ECM2: variants seen among roughly 807,000 people sequenced by gnomAD.
ECM2 encodes extracellular matrix protein 2.
ECM2 carries 57 observed loss-of-function variants against 67.5 expected under a neutral mutation model. The ratio of observed to expected loss-of-function variants is 0.84; its 90% confidence interval spans 0.68 to 1.05. ECM2 has a LOEUF of 1.05. ECM2 is among the 50% of genes least tolerant of loss of function. ECM2 has a pLI of 0.00. For synonymous variants in ECM2, 258 were observed against 294.5 expected, an observed-to-expected ratio of 0.88 and a Z score of 1.27; for missense variants, 741 against 822.8, an observed-to-expected ratio of 0.90 and a Z score of 1.22.
At chr9:92,497,026 T>C (rs772388307) in intron 9 of ECM2, among the ~76,000 whole-genome samples, 9 of 151,636 alleles carry the variant, frequency 5.9e-5, no homozygotes, top group Non-Finnish European at 1.0e-4. Flanking sequence ...GAATGCAAAA[T>C]GGTGCGCCAC....
At position 92,522,845 on chromosome 9, in the gene ECM2, A is replaced by C. The variant is rs1216763087; in HGVS notation, c.22T>G (p.Cys8Gly). The C allele has an allele frequency of 1.9e-6, 3 of 1,606,442 alleles. No individual in the cohort carries two copies. Among genetic ancestry groups the C allele is most frequent in the Non-Finnish European group, 2.5e-6 (3 of 1,178,130 alleles). ...TGAAAAATGATAAGCAGAAAAAAAC[A>C]AAACAAAACTGCAATCTTCATGTTT... MKIAVLF[C>G]FFLLIIFQTD... is the part of the protein sequence containing the mutation. The change falls in exon 2 of 10, where the codon TGT becomes GGT. Residue 8 changes from cysteine (C) to glycine (G), a missense_variant. Cys to Gly is a radical substitution (Grantham distance 159, BLOSUM62 -3). Coordinates refer to ENST00000344604, the MANE Select transcript of ECM2 (RefSeq NM_001393.4).
At position 92,502,627 on chromosome 9, in the gene ECM2, A is replaced by G. The variant is rs1846750611; in HGVS notation, c.1490T>C (p.Ile497Thr). The change falls in exon 8 of 10, where the codon ATT becomes ACT. Residue 497 changes from isoleucine (I) to threonine (T), a missense_variant. By Grantham distance (89) the Ile-to-Thr change is moderately conservative (BLOSUM62 -1). Coordinates refer to ENST00000344604, the MANE Select transcript of ECM2 (RefSeq NM_001393.4). ...IEELYLENNQ[I>T]EEITEICFNH... ...GAAACAAATTTCAGTTATTTCTTCA[A>G]TTTGGTTATTTTCTAGGTATAATTC... 1.3e-6 allele frequency: 2 copies of G among 1,596,248 alleles called. No individual in the cohort carries two copies. Among genetic ancestry groups the G allele is most frequent in the Admixed American group, 1.7e-5 (1 of 58,842 alleles).
At chr9:92,542,365 G>A in the ECM2 span, among the ~76,000 whole-genome samples, 57,551 of 151,920 alleles carry the variant, frequency 0.38, 13,549 homozygotes, top group African/African-American at 0.66. Context: ...CTGTTGTTTC[G>A]TTTACTGTGT....
chr9:92,520,780 A>T (rs1442028949), intron 2 of ECM2, among the ~76,000 whole-genome samples: 1 of 152,236 alleles, frequency 6.6e-6, no homozygotes, highest in African/African-American at 2.4e-5. Context: ...ATTCAGCCAT[A>T]AAAAGGAATG....
In ECM2 at chr9:92,530,135, G is replaced by C. The variant is rs189345340; in HGVS notation, c.-28+5798C>G. On this transcript the variant is annotated intron_variant, in intron 1 of 9. Transcript: ENST00000344604. ...TATATAAGGAACTTGAGCAGCCTCA[G>C]ATTTTGGTGTCCTTGAGGGATCCTG... Among the ~76,000 whole-genome samples the C allele has an allele frequency of 1.6e-4, 25 of 152,290 alleles. No individual in the cohort carries two copies. The East Asian group carries it at 4.4e-3, about 27-fold the overall frequency.
chr9:92,510,164 A>C (rs1267135704), intron 5 of ECM2, 130 bp from the exon 6 acceptor site: 3 of 936,078 alleles, frequency 3.2e-6, no homozygotes. Flanking sequence ...TGTCCAGGCC[A>C]CACAGCAAAC....
intron 7 of ECM2, among the ~76,000 whole-genome samples, chr9:92,504,819 G>A (rs938456017): frequency 1.3e-5 from 2 of 152,162 alleles, no homozygotes; most frequent in Non-Finnish European, 2.9e-5. Flanking sequence ...GATTACTGGC[G>A]TGAGCCACTG....
At chr9:92,525,893 C>CA (rs71362395) in intron 1 of ECM2, among the ~76,000 whole-genome samples, 6,206 of 42,444 alleles carry the variant, frequency 0.15, 239 homozygotes, top group African/African-American at 0.17. Flanking sequence ...ACTCTATCTC[C>CA]AAAAAAAAAA....
chr9:92,505,322 A>G (rs2131168148), intron 7 of ECM2, among the ~76,000 whole-genome samples: 1 of 152,192 alleles, frequency 6.6e-6, no homozygotes, highest in South Asian at 2.1e-4. Flanking sequence ...ACCATTTTTC[A>G]CTGTATCAGG....
the ECM2 span, among the ~76,000 whole-genome samples, chr9:92,543,400 A>G: frequency 7.7e-6 from 1 of 129,610 alleles, no homozygotes; most frequent in South Asian, 2.6e-4. Context: ...TGAACCTGGG[A>G]GGTGGAGGTT....
At chr9:92,558,598 A>G in the ECM2 span, among the ~76,000 whole-genome samples, 1 of 152,054 alleles carries the variant, frequency 6.6e-6, no homozygotes, top group Non-Finnish European at 1.5e-5. Context: ...TTAATTATCT[A>G]TTTTTGTGCT....
At chr9:92,517,347 C>A (rs1241582557) in intron 3 of ECM2, 3 of 454,692 alleles carry the variant, frequency 6.6e-6, no homozygotes. Flanking sequence ...GGATAATGCA[C>A]ATATAGACCA....
chr9:92,522,873 T>C lies in ECM2; in HGVS notation c.-7A>G, dbSNP rs1848165075. The C allele has an allele frequency of 1.3e-6, 2 of 1,584,546 alleles. No individual in the cohort carries two copies. The highest frequency in any genetic ancestry group is 1.7e-6 in the Non-Finnish European group (2 of 1,170,018). On this transcript the variant is annotated 5_prime_UTR_variant, in exon 2 of 10. Coordinates refer to ENST00000344604, the MANE Select transcript of ECM2 (RefSeq NM_001393.4). Reference sequence around the variant, plus strand: ...ACAAAACTGCAATCTTCATGTTTGATTTTTTTCCACCAGCCAATTTCTAGA... The same window carrying C: ...ACAAAACTGCAATCTTCATGTTTGACTTTTTTCCACCAGCCAATTTCTAGA...
intron 6 of ECM2, 69 bp downstream of exon 6, chr9:92,509,829 TA>T: frequency 6.8e-7 from 1 of 1,460,098 alleles, no homozygotes. Flanking sequence ...ATACAGTAAA[TA>T]AAATTTCTAC....
At chr9:92,548,224 T>TTCGA in the ECM2 span, among the ~76,000 whole-genome samples, 3 of 151,642 alleles carry the variant, frequency 2.0e-5, no homozygotes, top group African/African-American at 7.3e-5. Flanking sequence ...TTGTGGGGTC[T>TTCGA]TTCACTGCTG....
chr9:92,535,228 A>G (rs1044883520), intron 1 of ECM2, among the ~76,000 whole-genome samples: 11 of 152,210 alleles, frequency 7.2e-5, no homozygotes, highest in South Asian at 2.1e-4. Context: ...GTTTAAATAC[A>G]TTTTAGGAAA....
intron 6 of ECM2, among the ~76,000 whole-genome samples, chr9:92,508,362 TCACCCTGGCTTCCTGTCAA>T (rs1275664048): frequency 1.3e-5 from 2 of 152,210 alleles, no homozygotes; most frequent in Non-Finnish European, 2.9e-5. Flanking sequence ...GACAGCCCGT[TCACCCTGGCTTCCTGTCAA>T]CACTCTGGGA....
chr9:92,524,075 T>G (rs1848241836), intron 1 of ECM2, among the ~76,000 whole-genome samples: 1 of 152,234 alleles, frequency 6.6e-6, no homozygotes, highest in Non-Finnish European at 1.5e-5. Flanking sequence ...TTTCAAAGAT[T>G]ACTTGGGAGA....
Position 92,496,232 on chromosome 9 carries a change from G to A in ECM2, c.*83C>T. ...ATAATGATACTGAGTATAACAGGAGGATTATGTCTCTCTTATTAATGACAA... is the reference window on the plus strand; with the variant it reads ...ATAATGATACTGAGTATAACAGGAGAATTATGTCTCTCTTATTAATGACAA... On this transcript the variant is annotated 3_prime_UTR_variant, in exon 10 of 10. Coordinates refer to ENST00000344604, the MANE Select transcript of ECM2 (RefSeq NM_001393.4). The A allele has an allele frequency of 1.3e-6, 2 of 1,495,580 alleles. No individual in the cohort carries two copies. The highest frequency in any genetic ancestry group is 1.8e-6 in the Non-Finnish European group (2 of 1,134,264). The allele number at this position is 1,495,580 out of a possible 1,614,324, so 92.6% of individuals were successfully genotyped here.
Sources: allele counts gnomAD v4.1 joint callset (sites outside exome capture counted in the v4.1 genomes callset), GRCh38; gene constraint gnomAD v4.1.1; transcripts MANE v1.5; gene names NCBI Gene and HGNC (gene_info 2026-07-23, HGNC 2026-07-21).